DDX25: variants seen among roughly 807,000 people sequenced by gnomAD.
DDX25 encodes the protein DEAD-box helicase 25.
Under a neutral mutation model 64.6 loss-of-function variants are expected in DDX25, and 70 were observed. The observed-to-expected ratio is 1.08, with a 90% CI of 0.89 to 1.32. DDX25 has a LOEUF of 1.32. Among genes scored for constraint, DDX25 ranks in the 40% most tolerant of loss-of-function variants. The pLI, the probability that DDX25 is intolerant of heterozygous loss-of-function variation, is 0.00. For synonymous variants in DDX25, 211 were observed against 213.3 expected (o/e 0.99, Z 0.09); for missense variants, 587 against 604.4 (o/e 0.97, Z 0.30).
intron 6 of DDX25, 35 bp from the exon 7 acceptor site, chr11:125,910,329 C>T: frequency 1.3e-6 from 2 of 1,574,230 alleles, no homozygotes; most frequent in African/African-American, 2.7e-5. Context: ...CCTGTAAGAA[C>T]CTTTCTCCTC....
intron 8 of DDX25, among the ~76,000 whole-genome samples, chr11:125,915,663 G>C (rs1234718489): frequency 6.6e-6 from 1 of 152,180 alleles, no homozygotes; most frequent in East Asian, 1.9e-4. Context: ...CCCAGCAGGT[G>C]GCCAAGAGGC....
At position 125,911,079 on chromosome 11, in the gene DDX25, T is replaced by C. The variant is rs141288462; in HGVS notation, c.623-232T>C. Reference sequence around the variant, plus strand: ...ATTTAATGTAACCTATTGATGGACATTTTGGTTGTTTTCTGTTTGGGGAAG... The same window carrying C: ...ATTTAATGTAACCTATTGATGGACACTTTGGTTGTTTTCTGTTTGGGGAAG... On this transcript the variant is annotated intron_variant, in intron 7 of 11. Coordinates refer to ENST00000263576, the MANE Select transcript of DDX25 (RefSeq NM_013264.5). 4.5e-3 allele frequency among the ~76,000 whole-genome samples: 686 copies of C among 152,286 alleles called. 9 individuals are homozygous for C. The highest frequency in any genetic ancestry group is 0.016 in the African/African-American group (659 of 41,560).
At chr11:125,916,898 G>A in intron 8 of DDX25, 116 bp from the exon 9 acceptor site, 1 of 978,600 alleles carries the variant, frequency 1.0e-6, no homozygotes, top group Non-Finnish European at 1.5e-6. Flanking sequence ...GGTCATTGCA[G>A]GCAGCACCTC....
rs867604581 is a variant in DDX25 at position 125,904,748 on chromosome 11, C to A, written c.63+168C>A. 4 of 819,444 alleles carry A rather than the reference C, an allele frequency of 4.9e-6. No homozygotes were observed. The African/African-American group carries it at 6.9e-5, about 14-fold the overall frequency. 50.8% of individuals were successfully genotyped at this position (819,444 alleles called of 1,614,324 possible). Reference sequence around the variant, plus strand: ...GGAAGAGGGCCACAGAGGGAGACCCCGTCCCCACCCCCACGAGAGGCAAGA... The same window carrying A: ...GGAAGAGGGCCACAGAGGGAGACCCAGTCCCCACCCCCACGAGAGGCAAGA... On this transcript the variant is annotated intron_variant, in intron 1 of 11. Transcript: ENST00000263576.
At chr11:125,922,593 C>T in intron 11 of DDX25, 1 of 431,582 alleles carries the variant, frequency 2.3e-6, no homozygotes, top group East Asian at 3.5e-5. Context: ...CTCACTTCCA[C>T]TCTGGCCTTC....
Position 125,908,325 on chromosome 11 carries a change from G to A in DDX25, c.404+37G>A, listed in dbSNP as rs767592619. The A allele has an allele frequency of 3.5e-5, 57 of 1,612,994 alleles. 1 individual carries two copies. In the African/African-American group the frequency reaches 6.3e-4, roughly 18 times the overall value. Reference sequence around the variant, plus strand: ...GGGTAGTGGTATTCTACTTGGTTATGTTTAGTTTCTTATTTTCAGTTTATG... The same window carrying A: ...GGGTAGTGGTATTCTACTTGGTTATATTTAGTTTCTTATTTTCAGTTTATG... On this transcript the variant is annotated intron_variant, in intron 5 of 11. Transcript: ENST00000263576.
chr11:125,911,084 G>A (rs1944961462), intron 7 of DDX25, among the ~76,000 whole-genome samples: 1 of 152,020 alleles, frequency 6.6e-6, no homozygotes, highest in African/African-American at 2.4e-5. Context: ...GGACATTTTG[G>A]TTGTTTTCTG....
In DDX25 at chr11:125,922,872, T is replaced by G; in HGVS notation, c.1443T>G (p.Ile481Met). The G allele has an allele frequency of 6.2e-7, 1 of 1,607,932 alleles. No individual in the cohort carries two copies. Among genetic ancestry groups the G allele is most frequent in the Non-Finnish European group, 8.5e-7 (1 of 1,176,608 alleles). Residue 481 changes from isoleucine to methionine, a missense_variant, in exon 12 of 12, where the codon ATT becomes ATG. Coordinates refer to ENST00000263576, the MANE Select transcript of DDX25 (RefSeq NM_013264.5). ...AAGACATGGATGAAATTGAAAAGAT[T>G]GACTATTGAAGAAAGAACTTTATTG... ...NAEDMDEIEK[I>M]DY
intron 10 of DDX25, among the ~76,000 whole-genome samples, chr11:125,920,248 C>A (rs1430948183): frequency 2.6e-5 from 4 of 152,066 alleles, no homozygotes; most frequent in Non-Finnish European, 5.9e-5. Flanking sequence ...ACCAGCCTGA[C>A]CAACATGGTG....
rs1944850203 is a variant in DDX25, at chr11:125,904,591, C to T, written c.63+11C>T. The T allele has an allele frequency of 2.0e-6, 3 of 1,477,692 alleles. No homozygotes were observed. Among genetic ancestry groups the T allele is most frequent in the African/African-American group, 2.8e-5 (2 of 70,454 alleles). 91.5% of individuals were successfully genotyped at this position (1,477,692 alleles called of 1,614,324 possible). ...CGGCTGAACAGCCACGTAACCGCCACCGAGCCGGGGGGCCACAGCCGCGGG... is the reference window on the plus strand; with the variant it reads ...CGGCTGAACAGCCACGTAACCGCCATCGAGCCGGGGGGCCACAGCCGCGGG... On this transcript the variant is annotated intron_variant, in intron 1 of 11. Coordinates refer to ENST00000263576, the MANE Select transcript of DDX25 (RefSeq NM_013264.5).
chr11:125,905,704 G>T, intron 3 of DDX25, 107 bp downstream of exon 3: 7 of 1,172,610 alleles, frequency 6.0e-6, no homozygotes, highest in Non-Finnish European at 8.5e-6. Context: ...GCCTGTCTTT[G>T]CTTCTGTTTT....
upstream of DDX25, chr11:125,904,403 G>C (rs905795415): frequency 1.9e-6 from 2 of 1,036,308 alleles, no homozygotes; most frequent in Non-Finnish European, 2.5e-6. Flanking sequence ...GTGGTCGCGG[G>C]CGCGGACGCG....
chr11:125,910,570 C>G, intron 7 of DDX25, 92 bp downstream of exon 7: 1 of 1,067,128 alleles, frequency 9.4e-7, no homozygotes, highest in Non-Finnish European at 1.4e-6. Flanking sequence ...ATTCTCATCT[C>G]TAAATGGGGG....
intron 9 of DDX25, 25 bp downstream of exon 9, chr11:125,917,276 T>C: frequency 6.4e-7 from 1 of 1,571,790 alleles, no homozygotes; most frequent in Non-Finnish European, 8.6e-7. Flanking sequence ...TGTGTCTTCA[T>C]CGAGCCCAGA....
chr11:125,922,705 G>A, intron 11 of DDX25, 115 bp from the exon 12 acceptor site: 1 of 912,586 alleles, frequency 1.1e-6, no homozygotes, highest in East Asian at 2.7e-5. Flanking sequence ...CCTTCCTTAT[G>A]TTCCTATACC....
At position 125,921,283 on chromosome 11, in the gene DDX25, A is replaced by G. The variant is rs1945111771; in HGVS notation, c.1294A>G (p.Ile432Val). 1 of 1,613,680 alleles carries G rather than the reference A, an allele frequency of 6.2e-7. No homozygotes were observed. The highest frequency in any genetic ancestry group is 8.5e-7 in the Non-Finnish European group (1 of 1,179,786). The change falls in exon 11 of 12, where the codon ATA (isoleucine) becomes GTA (valine). Residue 432 changes from isoleucine to valine, a missense_variant. Coordinates refer to ENST00000263576, the MANE Select transcript of DDX25 (RefSeq NM_013264.5). The surrounding 1 kb of genome is among the most constrained non-coding windows in gnomAD (Gnocchi z 4.1). Reference protein sequence around the residue: ...EPDYETYLHRIGRTGRFGKKG... With the variant: ...EPDYETYLHRVGRTGRFGKKG... The stretch of plus-strand genomic sequence containing the variant: ...GGACTATGAGACCTACCTCCACCGC[A>G]TAGGGCGGACGGGGCGCTTTGGGAA...
intron 4 of DDX25, among the ~76,000 whole-genome samples, chr11:125,907,005 A>T (rs1944898007): frequency 6.6e-6 from 1 of 152,144 alleles, no homozygotes; most frequent in South Asian, 2.1e-4. Context: ...CTGATGACCC[A>T]GACATCCTCC....
Position 125,927,471 on chromosome 11 carries a change from T to C in DDX25, c.*4590T>C, listed in dbSNP as rs1945177725. ...GCGTGGCAACTATCTGTAGCATTTT[T>C]CTTTGGGAATTAACCTTTGCCCATA... is the stretch of plus-strand genomic sequence containing the variant. On this transcript the variant is annotated 3_prime_UTR_variant, in exon 12 of 12. Coordinates refer to ENST00000263576, the MANE Select transcript of DDX25 (RefSeq NM_013264.5). The C allele has an allele frequency of 6.6e-6, 1 of 152,266 alleles. No individual in the cohort carries two copies. 9.4% of individuals were successfully genotyped at this position (152,266 alleles called of 1,614,324 possible).
chr11:125,906,823 CAA>C (rs548482997), intron 4 of DDX25, among the ~76,000 whole-genome samples: 29 of 111,956 alleles, frequency 2.6e-4, no homozygotes, highest in Admixed American at 8.3e-4. Context: ...GACTCCGTCT[CAA>C]AAAAAAAAAA....
Sources: allele counts gnomAD v4.1 joint callset (sites outside exome capture counted in the v4.1 genomes callset), GRCh38; gene constraint gnomAD v4.1.1; non-coding constraint Gnocchi (gnomAD v3.1); transcripts MANE v1.5; gene names NCBI Gene and HGNC (gene_info 2026-07-23, HGNC 2026-07-21).